TRERF1: variants seen among roughly 807,000 people sequenced by gnomAD.
TRERF1 encodes transcriptional-regulating factor 1.
In TRERF1, 27 loss-of-function variants were observed where a neutral mutation model predicts 122.9. The observed-to-expected ratio is 0.22, with a 90% CI of 0.16 to 0.30. The LOEUF (loss-of-function observed/expected upper bound fraction) is 0.30. Among genes scored for constraint, TRERF1 ranks in the 10% least tolerant of loss-of-function variants. The pLI is 1.00. For missense variants in TRERF1, 1,248 were observed against 1,560.3 expected, an observed-to-expected ratio of 0.80 and a Z score of 3.37; for synonymous variants, 636 against 641.7, an observed-to-expected ratio of 0.99 and a Z score of 0.13.
intron 2 of TRERF1, among the ~76,000 whole-genome samples, chr6:42,382,611 T>C (rs1189515878): frequency 6.6e-6 from 1 of 152,092 alleles, no homozygotes; most frequent in African/African-American, 2.4e-5. Flanking sequence ...GTGAAGTTTT[T>C]CTGAATGCAA....
rs572989384 is a variant in TRERF1 at position 42,427,450 on chromosome 6, T to C, written c.-454+23727A>G. ...CTTTTTTGTAGAGACAGGATCTCAC[T>C]ATGTTGCCCAGGCTGGTTTTGAACT... On this transcript the variant is annotated intron_variant, in intron 2 of 17. Transcript: ENST00000372922. Among the ~76,000 whole-genome samples, 4 of 152,130 alleles carry C rather than the reference T, an allele frequency of 2.6e-5. No homozygotes were observed. In the East Asian group the frequency reaches 5.8e-4, roughly 22 times the overall value.
At chr6:42,236,355 A>G (rs771609630) in exon 16 of TRERF1, 6 of 1,576,350 alleles carry the variant, frequency 3.8e-6, no homozygotes, top group South Asian at 1.2e-5. Context: ...TGGATTTCCT[A>G]TCTTCTTCCG....
chr6:42,277,937 A>AAGC (rs1781549302), intron 4 of TRERF1, among the ~76,000 whole-genome samples: 1 of 148,780 alleles, frequency 6.7e-6, no homozygotes, highest in Non-Finnish European at 1.5e-5. Flanking sequence ...GAAGAAGAAG[A>AAGC]AGAAGAAGAA....
exon 18 of TRERF1, chr6:42,227,207 T>C (rs1371042463): frequency 6.6e-6 from 1 of 152,212 alleles, no homozygotes; most frequent in Non-Finnish European, 1.5e-5. Context: ...CTAAGGTGTA[T>C]CTGAAGCCAT....
intron 4 of TRERF1, among the ~76,000 whole-genome samples, chr6:42,296,793 C>T (rs1242301392): frequency 6.6e-6 from 1 of 152,084 alleles, no homozygotes; most frequent in Non-Finnish European, 1.5e-5. Context: ...GAAAGGAAGC[C>T]AAGGTCTGGA....
chr6:42,294,296 A>C (rs1784746902), intron 4 of TRERF1, among the ~76,000 whole-genome samples: 1 of 148,662 alleles, frequency 6.7e-6, no homozygotes, highest in African/African-American at 2.5e-5. Flanking sequence ...ATTCTGCCTC[A>C]GCTTCCTGAG....
chr6:42,446,666 G>A (rs373688438), intron 2 of TRERF1, among the ~76,000 whole-genome samples: 10 of 152,104 alleles, frequency 6.6e-5, no homozygotes, highest in Non-Finnish European at 8.8e-5. Context: ...AGAAGCTGCC[G>A]CATGTATGAA....
At chr6:42,396,021 T>TGC (rs1389732776) in intron 2 of TRERF1, among the ~76,000 whole-genome samples, 2 of 152,262 alleles carry the variant, frequency 1.3e-5, no homozygotes, top group East Asian at 3.9e-4. Context: ...CGTGTATGTG[T>TGC]GCACACACAC....
At chr6:42,336,972 G>C (rs916281865) in intron 3 of TRERF1, among the ~76,000 whole-genome samples, 1 of 152,244 alleles carries the variant, frequency 6.6e-6, no homozygotes, top group Admixed American at 6.5e-5. Context: ...GCGCCAGAGA[G>C]AGCAGCTCAT....
chr6:42,274,971 A>G (rs1008681437), intron 4 of TRERF1, among the ~76,000 whole-genome samples: 2 of 152,160 alleles, frequency 1.3e-5, no homozygotes, highest in African/African-American at 4.8e-5. Flanking sequence ...CCCCATCCCC[A>G]GCCACCCAGT....
chr6:42,265,742 T>C lies in TRERF1; in HGVS notation c.1484+9A>G. The C allele has an allele frequency of 2.5e-6, 4 of 1,612,426 alleles. No homozygotes were observed. Among genetic ancestry groups the C allele is most frequent in the Non-Finnish European group, 2.5e-6 (3 of 1,179,238 alleles). On this transcript the variant is annotated intron_variant, in intron 6 of 17. Transcript: ENST00000372922. The stretch of plus-strand genomic sequence containing the variant: ...TCCCAAAATACCAACAAGGTTCCAC[T>C]CATCCTACCTTGACTCAGGGGACCC...
rs79093520 is a variant in TRERF1 at position 42,389,285 on chromosome 6, G to A, written c.-453-26206C>T. Among the ~76,000 whole-genome samples the A allele has an allele frequency of 7.3e-4, 111 of 152,302 alleles. 3 individuals carry two copies. In the East Asian group the frequency reaches 0.019, roughly 26 times the overall value. ...TCTATCAGCAAAGCTGGAGGATTCC[G>A]GGTCAGGATGTGCCCTGGACAAGGG... On this transcript the variant is annotated intron_variant, in intron 2 of 17. Coordinates refer to ENST00000372922, the Ensembl canonical transcript of TRERF1.
intron 3 of TRERF1, among the ~76,000 whole-genome samples, chr6:42,349,084 G>A (rs1374676313): frequency 6.6e-6 from 1 of 152,176 alleles, no homozygotes; most frequent in Non-Finnish European, 1.5e-5. Flanking sequence ...TGCACCGTGA[G>A]GATTTGGAGG....
chr6:42,379,023 G>A (rs1356015253), intron 2 of TRERF1, among the ~76,000 whole-genome samples: 1 of 152,186 alleles, frequency 6.6e-6, no homozygotes, highest in Admixed American at 6.5e-5. Flanking sequence ...AGGAGGCTGA[G>A]GTGGGAGGAT....
At chr6:42,296,468 G>A (rs1431263982) in intron 4 of TRERF1, among the ~76,000 whole-genome samples, 2 of 152,180 alleles carry the variant, frequency 1.3e-5, no homozygotes, top group African/African-American at 4.8e-5. Flanking sequence ...TCCAAGCTCT[G>A]TGTTACAAGC....
chr6:42,319,718 G>T (rs1763070844), intron 3 of TRERF1, among the ~76,000 whole-genome samples: 1 of 151,404 alleles, frequency 6.6e-6, no homozygotes, highest in Non-Finnish European at 1.5e-5. Flanking sequence ...AGCTACCTGG[G>T]AGGCTGAGGT....
intron 2 of TRERF1, among the ~76,000 whole-genome samples, chr6:42,432,605 G>A (rs1784655661): frequency 6.6e-6 from 1 of 152,210 alleles, no homozygotes; most frequent in South Asian, 2.1e-4. Flanking sequence ...ACTCTGGGAG[G>A]TTGAGGTGGG....
intron 17 of TRERF1, among the ~76,000 whole-genome samples, chr6:42,230,544 A>G (rs1345136314): frequency 6.6e-6 from 1 of 152,150 alleles, no homozygotes; most frequent in South Asian, 2.1e-4. Context: ...TGATACCCTG[A>G]TGCTGCCACT....
At chr6:42,277,848 A>G (rs1343721278) in intron 4 of TRERF1, among the ~76,000 whole-genome samples, 1 of 142,514 alleles carries the variant, frequency 7.0e-6, no homozygotes, top group African/African-American at 2.7e-5. Context: ...AATAAATAAG[A>G]AGAAGAAAGA....
Sources: gnomAD v4.1 joint callset for allele counts (sites outside exome capture counted in the v4.1 genomes callset) on GRCh38, gnomAD v4.1.1 for gene constraint, MANE v1.5 for transcripts, NCBI Gene and HGNC (gene_info 2026-07-23, HGNC 2026-07-21) for gene names.